Variants in PTPRT observed in about 807,000 individuals in gnomAD.
The protein encoded by PTPRT is protein tyrosine phosphatase receptor type T.
In PTPRT, 56 loss-of-function variants were observed where a neutral mutation model predicts 176.8. The ratio of observed to expected loss-of-function variants is 0.32; its 90% CI spans 0.26 to 0.40. The LOEUF is 0.40. PTPRT is among the 10% of genes least tolerant of loss of function. The pLI, the probability that PTPRT is intolerant of heterozygous loss-of-function variation, is 1.00. For synonymous variants in PTPRT, 783 were observed against 739.0 expected, an observed-to-expected ratio of 1.06 and a Z score of -0.96; for missense variants, 1,540 against 1,908.2, an observed-to-expected ratio of 0.81 and a Z score of 3.60.
intron 1 of PTPRT, among the ~76,000 whole-genome samples, chr20:42,891,055 A>C (rs1242676876): frequency 6.6e-6 from 1 of 152,194 alleles, no homozygotes; most frequent in South Asian, 2.1e-4. Flanking sequence ...TGGAACTGTG[A>C]ATCCACTAAA....
intron 2 of PTPRT, among the ~76,000 whole-genome samples, chr20:42,884,781 A>G (rs981292492): frequency 7.2e-5 from 11 of 152,284 alleles, no homozygotes; most frequent in Middle Eastern, 3.4e-3. Flanking sequence ...GAAACTGTAG[A>G]AAATGGCCTC....
At chr20:42,993,191 G>C (rs1984019505) in intron 1 of PTPRT, among the ~76,000 whole-genome samples, 1 of 151,758 alleles carries the variant, frequency 6.6e-6, no homozygotes, top group Non-Finnish European at 1.5e-5. Context: ...GGCCGAGGTG[G>C]GTGGATCACA....
chr20:43,062,957 G>T (rs1987534272), intron 1 of PTPRT, among the ~76,000 whole-genome samples: 1 of 152,120 alleles, frequency 6.6e-6, no homozygotes, highest in Non-Finnish European at 1.5e-5. Context: ...ATCTGGTTTG[G>T]GTCGTTTTCA....
intron 7 of PTPRT, among the ~76,000 whole-genome samples, chr20:42,570,579 C>G (rs2073136704): frequency 6.6e-6 from 1 of 152,074 alleles, no homozygotes; most frequent in East Asian, 1.9e-4. Flanking sequence ...GAAAATGTAG[C>G]CAAAGATTTT....
chr20:42,191,175 TAA>T (rs112372647), intron 16 of PTPRT, among the ~76,000 whole-genome samples: 56 of 137,082 alleles, frequency 4.1e-4, no homozygotes, highest in African/African-American at 7.6e-4. Flanking sequence ...CAACCAGAAA[TAA>T]AAAAAAAAAA....
At chr20:42,125,128 C>G (rs1342745469) in intron 19 of PTPRT, among the ~76,000 whole-genome samples, 1 of 152,124 alleles carries the variant, frequency 6.6e-6, no homozygotes, top group African/African-American at 2.4e-5. Flanking sequence ...CTGGTAAGGA[C>G]TCCCTACTAT....
chr20:42,724,483 C>A (rs539239632), intron 6 of PTPRT, among the ~76,000 whole-genome samples: 4 of 152,312 alleles, frequency 2.6e-5, no homozygotes, highest in African/African-American at 9.6e-5. Flanking sequence ...CCTCCACCAT[C>A]CCCTACCCCA....
chr20:42,457,517 G>A (rs192824546), intron 8 of PTPRT, among the ~76,000 whole-genome samples: 65 of 152,186 alleles, frequency 4.3e-4, no homozygotes, highest in Non-Finnish European at 7.2e-4. Flanking sequence ...TAACCTTTCC[G>A]CATGCAACCT....
rs370891585 is a variant in PTPRT, at chr20:42,874,220, A to G, written c.214+11587T>C. ...AGCAGGAAACAGAGGAATCTTGAAG[A>G]ACGTCATCTCTGTGGTCCTGTTAAA... is the stretch of plus-strand genomic sequence containing the variant. On this transcript the variant is annotated intron_variant, in intron 2 of 30. Transcript: ENST00000373187. Among the ~76,000 whole-genome samples the G allele has an allele frequency of 2.1e-4, 32 of 152,290 alleles. 2 individuals are homozygous for G. The South Asian group carries it at 6.5e-3, about 31-fold the overall frequency.
intron 12 of PTPRT, among the ~76,000 whole-genome samples, chr20:42,305,012 A>C (rs1229356629): frequency 6.6e-6 from 1 of 152,214 alleles, no homozygotes; most frequent in Non-Finnish European, 1.5e-5. Context: ...CCTCTGGTGC[A>C]ATGATTACTC....
Position 42,836,855 on chromosome 20 carries a change from G to C in PTPRT, c.215-45389C>G, listed in dbSNP as rs62203967. Among the ~76,000 whole-genome samples, 295 of 152,318 alleles carry C rather than the reference G, an allele frequency of 1.9e-3. No homozygotes were observed. In the Middle Eastern group the frequency reaches 0.02, roughly 11 times the overall value. The stretch of plus-strand genomic sequence containing the variant: ...CTGTGCTAAGTATTTTATGTTCACT[G>C]TTCATTTAATCCTCAGAAATTAACT... On this transcript the variant is annotated intron_variant, in intron 2 of 30. Transcript: ENST00000373187.
intron 1 of PTPRT, among the ~76,000 whole-genome samples, chr20:42,935,386 T>C (rs1187629352): frequency 1.3e-5 from 2 of 152,014 alleles, no homozygotes; most frequent in African/African-American, 2.4e-5. Context: ...ACAATCCTCC[T>C]GCCTTGGCGT....
chr20:43,023,117 G>A (rs1568738738), intron 1 of PTPRT, among the ~76,000 whole-genome samples: 1 of 152,300 alleles, frequency 6.6e-6, no homozygotes, highest in Admixed American at 6.5e-5. Flanking sequence ...TGAAGGACCA[G>A]AAGTATGAAT....
intron 3 of PTPRT, among the ~76,000 whole-genome samples, chr20:42,790,679 T>C (rs773829957): frequency 2.0e-5 from 3 of 152,130 alleles, no homozygotes; most frequent in Admixed American, 6.5e-5. Flanking sequence ...CTGTGACAAC[T>C]CAAATGCCTT....
At chr20:42,851,465 A>G (rs1395017269) in intron 2 of PTPRT, among the ~76,000 whole-genome samples, 1 of 152,154 alleles carries the variant, frequency 6.6e-6, no homozygotes, top group Non-Finnish European at 1.5e-5. Flanking sequence ...CATTATAGGC[A>G]TCTATAATTA....
At chr20:42,717,631 C>G (rs182259496) in intron 6 of PTPRT, among the ~76,000 whole-genome samples, 2 of 151,270 alleles carry the variant, frequency 1.3e-5, no homozygotes, top group Admixed American at 1.3e-4. Flanking sequence ...TTAAATATGG[C>G]AAAAATAAAT....
chr20:42,991,275 T>C (rs140648877), intron 1 of PTPRT, among the ~76,000 whole-genome samples: 270 of 152,200 alleles, frequency 1.8e-3, no homozygotes, highest in African/African-American at 5.9e-3. Context: ...TGTTCTGAAG[T>C]CTGAAAAGTT....
At chr20:42,187,569 T>A (rs1036188638) in intron 16 of PTPRT, among the ~76,000 whole-genome samples, 2 of 152,248 alleles carry the variant, frequency 1.3e-5, no homozygotes, top group African/African-American at 4.8e-5. Context: ...GTCCGCCCTA[T>A]GGCTCTTCCA....
At chr20:42,558,436 T>C (rs1311881541) in intron 7 of PTPRT, among the ~76,000 whole-genome samples, 1 of 152,162 alleles carries the variant, frequency 6.6e-6, no homozygotes, top group African/African-American at 2.4e-5. Context: ...AACATACACA[T>C]GTATGTGTGT....
Sources: gnomAD v4.1 joint callset for allele counts (sites outside exome capture counted in the v4.1 genomes callset) on GRCh38, gnomAD v4.1.1 for gene constraint, MANE v1.5 for transcripts, NCBI Gene and HGNC (gene_info 2026-07-23, HGNC 2026-07-21) for gene names.